SYNE1: variants seen among roughly 807,000 people sequenced by gnomAD.
SYNE1 encodes nesprin-1.
SYNE1 carries 616 observed loss-of-function variants against 1,111.0 expected under a neutral mutation model. The ratio of observed to expected loss-of-function variants is 0.55; its 90% CI spans 0.52 to 0.59. The LOEUF is 0.59. Among genes scored for constraint, SYNE1 ranks in the 20% least tolerant of loss-of-function variants. The pLI is 0.00. For missense variants in SYNE1, 10,006 were observed against 10,417.0 expected (o/e 0.96, Z 1.72); for synonymous variants, 3,855 against 3,825.8 (o/e 1.01, Z -0.28).
At chr6:152,461,847 A>C in intron 20 of SYNE1, 107 bp from the exon 21 acceptor site, 1 of 1,439,012 alleles carries the variant, frequency 6.9e-7, no homozygotes, top group Non-Finnish European at 9.7e-7. Context: ...TATAAAATCC[A>C]ATACTTACAC....
chr6:152,308,880 T>C (rs1269719263), intron 90 of SYNE1, among the ~76,000 whole-genome samples: 1 of 152,222 alleles, frequency 6.6e-6, no homozygotes, highest in Non-Finnish European at 1.5e-5. Flanking sequence ...TTCTCTCTCT[T>C]TTCCCTACTG....
rs1194076539 is a variant in SYNE1, at chr6:152,413,340, G to A, written c.6230+12C>T. The A allele has an allele frequency of 2.5e-6, 4 of 1,613,948 alleles. No homozygotes were observed. Among genetic ancestry groups the A allele is most frequent in the African/African-American group, 2.7e-5 (2 of 74,926 alleles). On this transcript the variant is annotated intron_variant, in intron 42 of 145. Transcript: ENST00000367255. ...GAAGCTAAAAACAAGAACTGGGTGGGTTTTGACTTACTTTTCATGAATTAG... is the reference window on the plus strand; with the variant it reads ...GAAGCTAAAAACAAGAACTGGGTGGATTTTGACTTACTTTTCATGAATTAG...
chr6:152,165,081 C>T (rs911285871), intron 130 of SYNE1, among the ~76,000 whole-genome samples: 30 of 151,778 alleles, frequency 2.0e-4, no homozygotes, highest in African/African-American at 6.8e-4. Context: ...CGCCCCCTCC[C>T]CCACCCCCAC....
chr6:152,409,119 A>T lies in SYNE1; in HGVS notation c.6489T>A (p.Asp2163Glu). ...CCATGTCTGTTTTCACCAAGCTGAA[A>T]TCACTACTGTGAATTTTCTTCAGCT... ...LSELKKIHSS[D>E]FSLVKTDMES... is the part of the protein sequence containing the mutation. Residue 2163 changes from aspartate to glutamate, a missense_variant, in exon 44 of 146, where the codon GAT becomes GAA. By Grantham distance (45) the Asp-to-Glu change is conservative. Coordinates refer to ENST00000367255, the MANE Select transcript of SYNE1 (RefSeq NM_182961.4). 2 of 1,614,160 alleles carry T rather than the reference A, an allele frequency of 1.2e-6. No individual in the cohort carries two copies. Among genetic ancestry groups the T allele is most frequent in the Non-Finnish European group, 1.7e-6 (2 of 1,179,996 alleles).
intron 3 of SYNE1, among the ~76,000 whole-genome samples, chr6:152,625,804 G>T (rs1026170383): frequency 2.6e-5 from 4 of 152,112 alleles, no homozygotes; most frequent in Non-Finnish European, 5.9e-5. Flanking sequence ...AAATTATCAG[G>T]CTGTGCCTTC....
intron 145 of SYNE1, among the ~76,000 whole-genome samples, chr6:152,123,343 G>T (rs2052116482): frequency 6.6e-6 from 1 of 152,210 alleles, no homozygotes; most frequent in East Asian, 1.9e-4. Context: ...TGATGTAGAT[G>T]CTAGGCTGAT....
Position 152,152,097 on chromosome 6 carries a change from C to G in SYNE1, c.24174G>C (p.Leu8058=). The change falls in exon 134 of 146, where the codon CTG becomes CTC. Residue 8058 remains leucine (L), a synonymous_variant. Transcript: ENST00000367255. ...QVHECLTQLE[L]INKQYRRLAR... is the part of the protein sequence containing the mutation. ...CCAGGCGGCGGTACTGCTTGTTGAT[C>G]AGTTCCAGCTGCGTCAGGCACTCGT... The G allele has an allele frequency of 6.2e-7, 1 of 1,614,174 alleles. No individual in the cohort carries two copies. Among genetic ancestry groups the G allele is most frequent in the Non-Finnish European group, 8.5e-7 (1 of 1,180,038 alleles).
chr6:152,325,061 A>G, intron 81 of SYNE1, 23 bp downstream of exon 81: 1 of 1,611,914 alleles, frequency 6.2e-7, no homozygotes, highest in African/African-American at 1.3e-5. Flanking sequence ...AAGAAAGGTG[A>G]GCCCATGGAC....
intron 6 of SYNE1, 82 bp from the exon 7 acceptor site, chr6:152,511,185 A>G: frequency 8.2e-7 from 1 of 1,226,690 alleles, no homozygotes; most frequent in South Asian, 1.2e-5. Flanking sequence ...GGCCTTTAGT[A>G]GACATCAATA....
In SYNE1 at chr6:152,211,541, G is replaced by C; in HGVS notation, c.22542C>G (p.Ile7514Met). ...CTAGAAGACGTTGCCCATCAATAAT[G>C]ATTGAGTGCAAAATCTGCTGACGAC... Reference protein sequence around the residue: ...MFSRQQILHSIIIDGQRLLEQ... With the variant: ...MFSRQQILHSMIIDGQRLLEQ... The change falls in exon 124 of 146, where the codon ATC becomes ATG. Residue 7514 changes from isoleucine to methionine, a missense_variant. Around this residue, in one of 7 missense-constraint regions of SYNE1, gnomAD observed 2,182 missense variants for 2,287.8 expected, o/e 0.95. Transcript: ENST00000367255. The C allele has an allele frequency of 1.9e-6, 3 of 1,613,852 alleles. No homozygotes were observed. In the South Asian group the frequency reaches 3.3e-5, roughly 18 times the overall value.
chr6:152,312,369 C>T (rs542472905), intron 87 of SYNE1, among the ~76,000 whole-genome samples: 2 of 150,666 alleles, frequency 1.3e-5, no homozygotes, highest in African/African-American at 4.8e-5. Flanking sequence ...GCCGCCACGC[C>T]CAGCTAATTT....
In SYNE1 at chr6:152,413,475, C is replaced by T. The variant is rs759203412; in HGVS notation, c.6107G>A (p.Cys2036Tyr). The T allele has an allele frequency of 7.4e-6, 12 of 1,614,150 alleles. No homozygotes were observed. The highest frequency in any genetic ancestry group is 1.0e-5 in the Non-Finnish European group (12 of 1,180,008). Residue 2036 changes from cysteine (C) to tyrosine (Y), a missense_variant, in exon 42 of 146, where the codon TGT (cysteine) becomes TAT (tyrosine). Around this residue, in one of 7 missense-constraint regions of SYNE1, gnomAD observed 4,955 missense variants for 5,017.2 expected, o/e 0.99. Transcript: ENST00000367255. ...TTGCTTGGCTTTGTCTTTCAACCAA[C>T]ATAGTTCATGCTCGTGAGAATTCAA... ...DELNSHEHEL[C>Y]WLKDKAKQIA...
Position 152,130,766 on chromosome 6 carries a change from A to C in SYNE1, c.26107T>G (p.Cys8703Gly), listed in dbSNP as rs1471931244. 3.1e-6 allele frequency: 5 copies of C among 1,614,084 alleles called. No homozygotes were observed. Among genetic ancestry groups the C allele is most frequent in the Non-Finnish European group, 4.2e-6 (5 of 1,180,036 alleles). The change falls in exon 145 of 146, where the codon TGT becomes GGT. Residue 8703 changes from cysteine to glycine, a missense_variant. By Grantham distance (159) the Cys-to-Gly change is radical. Coordinates refer to ENST00000367255, the MANE Select transcript of SYNE1 (RefSeq NM_182961.4). Reference protein sequence around the residue: ...PNRQKTPRGKCSLSQPGPSVS... With the variant: ...PNRQKTPRGKGSLSQPGPSVS... ...GAGGGTCCAGGCTGTGAGAGACTAC[A>C]CTTGCCTCGTGGCTGTTTGCAATGA...
At chr6:152,167,837 T>C (rs1177815099) in intron 130 of SYNE1, 1 of 638,128 alleles carries the variant, frequency 1.6e-6, no homozygotes, top group African/African-American at 1.8e-5. Context: ...GCCATACTCC[T>C]TGTATGACGC....
chr6:152,411,447 T>C (rs946513674), intron 42 of SYNE1, among the ~76,000 whole-genome samples: 1 of 152,224 alleles, frequency 6.6e-6, no homozygotes, highest in Admixed American at 6.5e-5. Context: ...CTTTTATGTA[T>C]ACATTTTAAA....
intron 34 of SYNE1, 117 bp from the exon 35 acceptor site, chr6:152,430,826 G>T: frequency 9.9e-7 from 1 of 1,006,886 alleles, no homozygotes; most frequent in Non-Finnish European, 1.5e-6. Flanking sequence ...AGACTTGGAT[G>T]GTTAGAGCGC....
chr6:152,179,673 CTTTTTTTTTTTTTT>C (rs796260764), intron 129 of SYNE1, among the ~76,000 whole-genome samples: 3 of 55,068 alleles, frequency 5.4e-5, no homozygotes, highest in Admixed American at 3.1e-4. Flanking sequence ...GCTGGATATC[CTTTTTTTTTTTTTT>C]TTTTTTTTTT....
intron 63 of SYNE1, among the ~76,000 whole-genome samples, chr6:152,363,540 AATAT>A (rs2096987756): frequency 6.8e-6 from 1 of 147,674 alleles, no homozygotes; most frequent in Admixed American, 6.9e-5. Context: ...TAAATAAATA[AATAT>A]AAAAATAAAT....
At chr6:152,240,582 T>C (rs2085391522) in intron 107 of SYNE1, among the ~76,000 whole-genome samples, 1 of 152,242 alleles carries the variant, frequency 6.6e-6, no homozygotes, top group South Asian at 2.1e-4. Flanking sequence ...CTGTTCCCAG[T>C]ACCATGATAA....
Sources: gnomAD v4.1 joint callset for allele counts (sites outside exome capture counted in the v4.1 genomes callset) on GRCh38, gnomAD v4.1.1 for gene constraint, gnomAD v4.1.1 regional missense constraint, MANE v1.5 for transcripts, NCBI Gene and HGNC (gene_info 2026-07-23, HGNC 2026-07-21) for gene names.